Variants in TRIB1 observed in about 807,000 individuals in gnomAD.
The protein encoded by TRIB1 is tribbles pseudokinase 1, also known as tribbles homolog 1.
Under a neutral mutation model 27.8 loss-of-function variants are expected in TRIB1, and 12 were observed. The ratio of observed to expected loss-of-function variants is 0.43; its 90% CI spans 0.28 to 0.70. The LOEUF (loss-of-function observed/expected upper bound fraction) is 0.70, where lower values mean the gene tolerates loss of function less well. TRIB1 is among the 30% of genes least tolerant of loss of function. The probability of loss-of-function intolerance (pLI) is 0.18; values close to 1 mark genes in which losing one functional copy is unlikely to be tolerated. For missense variants in TRIB1, 475 were observed against 515.8 expected (o/e 0.92, Z 0.77); for synonymous variants, 230 against 224.9 (o/e 1.02, Z -0.20).
chr8:125,433,024 A>T lies in TRIB1; in HGVS notation c.361-293A>T, dbSNP rs115283295. On this transcript the variant is annotated intron_variant, in intron 1 of 2. Coordinates refer to ENST00000311922, the MANE Select transcript of TRIB1 (RefSeq NM_025195.4). This position sits in a 1 kb window ranked among gnomAD's most constrained non-coding sequence, Gnocchi z 4.4. Reference sequence around the variant, plus strand: ...GTGGGGGGTTTGCTTAGCTCTCAGGAGCTGACAGAAGATGGGAACATGTAC... The same window carrying T: ...GTGGGGGGTTTGCTTAGCTCTCAGGTGCTGACAGAAGATGGGAACATGTAC... 4.9e-3 allele frequency: 1,695 copies of T among 345,042 alleles called. 23 individuals carry two copies. Among genetic ancestry groups the T allele is most frequent in the African/African-American group, 0.031 (1,529 of 48,618 alleles). The allele number at this position is 345,042 out of a possible 1,614,324, so 21.4% of individuals were successfully genotyped here.
Position 125,436,422 on chromosome 8 carries a change from T to C in TRIB1, c.1070T>C (p.Ile357Thr). 6.2e-7 allele frequency: 1 copy of C among 1,614,030 alleles called. No individual in the cohort carries two copies. The highest frequency in any genetic ancestry group is 8.5e-7 in the Non-Finnish European group (1 of 1,180,028). ...IDSEIGTSDQIVPEYQEDSDI... is the reference protein window; with the variant it reads ...IDSEIGTSDQTVPEYQEDSDI... ...TCAGAAATAGGAACTTCAGACCAGA[T>C]TGTTCCAGAGTACCAGGAGGACAGT... Residue 357 changes from isoleucine (I) to threonine (T), a missense_variant, in exon 3 of 3, where the codon ATT becomes ACT. Ile to Thr is a moderately conservative substitution (Grantham distance 89). Transcript: ENST00000311922.
chr8:125,434,396 G>T (rs1814712815), intron 2 of TRIB1, among the ~76,000 whole-genome samples: 1 of 152,222 alleles, frequency 6.6e-6, no homozygotes, highest in African/African-American at 2.4e-5. Flanking sequence ...TTGTAGAGGT[G>T]AGAGTGAGTT....
chr8:125,431,500 C>G (rs1412917486), intron 1 of TRIB1, among the ~76,000 whole-genome samples: 2 of 152,226 alleles, frequency 1.3e-5, no homozygotes, highest in Non-Finnish European at 2.9e-5. Flanking sequence ...TCTATCTGTT[C>G]CTTTCCTCAG....
At position 125,430,608 on chromosome 8, in the gene TRIB1, C is replaced by A; in HGVS notation, c.-295C>A. 1 of 318,070 alleles carries A rather than the reference C, an allele frequency of 3.1e-6. No individual in the cohort carries two copies. The highest frequency in any genetic ancestry group is 8.8e-4 in the Middle Eastern group (1 of 1,140). The allele number at this position is 318,070 out of a possible 1,614,324, so 19.7% of individuals were successfully genotyped here. On this transcript the variant is annotated 5_prime_UTR_variant, in exon 1 of 3. Transcript: ENST00000311922. The stretch of plus-strand genomic sequence containing the variant: ...CTGCCTCCCGGACTATCGGCAGCCT[C>A]GGCAACAATAGTGGCGGCCGCCCCC...
intron 2 of TRIB1, among the ~76,000 whole-genome samples, chr8:125,434,840 G>T (rs1401184415): frequency 2.0e-5 from 3 of 151,870 alleles, no homozygotes; most frequent in Non-Finnish European, 4.4e-5. Flanking sequence ...AGAACCAATG[G>T]GTATTTTACA....
intron 1 of TRIB1, chr8:125,432,267 G>A (rs1039178268): frequency 2.1e-5 from 20 of 960,954 alleles, no homozygotes; most frequent in African/African-American, 3.6e-5. Context: ...TAATAGGGAG[G>A]AAAAAAAAAC....
At position 125,430,968 on chromosome 8, in the gene TRIB1, C is replaced by T. The variant is rs28441126; in HGVS notation, c.66C>T (p.Leu22=). 1,680 of 1,472,538 alleles carry T rather than the reference C, an allele frequency of 1.1e-3. 26 individuals are homozygous for T. The African/African-American group carries it at 0.021, about 19-fold the overall frequency. The allele number at this position is 1,472,538 out of a possible 1,614,324, so 91.2% of individuals were successfully genotyped here. The change falls in exon 1 of 3, where the codon CTC becomes CTT. Residue 22 remains leucine (L), a synonymous_variant. Transcript: ENST00000311922. ...CGCAGCCCCGCGGCCCGGCCCTGCT[C>T]TTCCCAGCCACCCGAGGCGTCCCGG... is the stretch of plus-strand genomic sequence containing the variant. ...GASQPRGPAL[L]FPATRGVPAK... is the part of the protein sequence containing the mutation.
chr8:125,430,840 G>T lies in TRIB1; in HGVS notation c.-63G>T, dbSNP rs1229678400. On this transcript the variant is annotated 5_prime_UTR_variant, in exon 1 of 3. Coordinates refer to ENST00000311922, the MANE Select transcript of TRIB1 (RefSeq NM_025195.4). ...AAGTCGCGGAGCCGGCACCAAACCC[G>T]CAGCGTCTTCCCGCGCGGATCCCGG... 5.2e-6 allele frequency: 7 copies of T among 1,356,880 alleles called. No homozygotes were observed. In the South Asian group the frequency reaches 6.9e-5, roughly 13 times the overall value. The allele number at this position is 1,356,880 out of a possible 1,614,324, so 84.1% of individuals were successfully genotyped here. A position where few individuals can be genotyped will look rare whatever the true frequency, so the allele number is the denominator to read the frequency against.
chr8:125,433,231 G>A lies in TRIB1; in HGVS notation c.361-86G>A. ...TACTCACATCCTAAGCCCACAGGTT[G>A]AGAACTTCTGTTCAGCTCCCTCAGG... On this transcript the variant is annotated intron_variant, in intron 1 of 2. Transcript: ENST00000311922. The surrounding 1 kb of genome is among the most constrained non-coding windows in gnomAD (Gnocchi z 4.4). The A allele has an allele frequency of 7.1e-7, 1 of 1,402,866 alleles. No individual in the cohort carries two copies. Among genetic ancestry groups the A allele is most frequent in the Non-Finnish European group, 9.8e-7 (1 of 1,022,026 alleles). 86.9% of individuals were successfully genotyped at this position (1,402,866 alleles called of 1,614,324 possible). A position where few individuals can be genotyped will look rare whatever the true frequency, so the allele number is the denominator to read the frequency against.
rs72647345 is a variant in TRIB1, at chr8:125,436,824, C to T, written c.*353C>T. On this transcript the variant is annotated 3_prime_UTR_variant, in exon 3 of 3. Transcript: ENST00000311922. ...CATTCGAATGGGAGAAAAAGCAAAT[C>T]GCACAATGACATATTTTGAGTAATA... The T allele has an allele frequency of 1.2e-3, 334 of 286,564 alleles. No individual in the cohort carries two copies. The highest frequency in any genetic ancestry group is 1.1e-3 in the Non-Finnish European group (165 of 150,424). 17.8% of individuals were successfully genotyped at this position (286,564 alleles called of 1,614,324 possible). A position where few individuals can be genotyped will look rare whatever the true frequency, so the allele number is the denominator to read the frequency against.
rs1814771931 is a variant in TRIB1, at chr8:125,437,265, A to G, written c.*794A>G. On this transcript the variant is annotated 3_prime_UTR_variant, in exon 3 of 3. Coordinates refer to ENST00000311922, the MANE Select transcript of TRIB1 (RefSeq NM_025195.4). Reference sequence around the variant, plus strand: ...TTAAAAAATAATTTGAGTGCTTGGAAACTATTAGCTTTTTAAGTTCCTTCC... The same window carrying G: ...TTAAAAAATAATTTGAGTGCTTGGAGACTATTAGCTTTTTAAGTTCCTTCC... 6.6e-6 allele frequency: 1 copy of G among 152,374 alleles called. No homozygotes were observed. The allele number at this position is 152,374 out of a possible 1,614,324, so 9.4% of individuals were successfully genotyped here.
rs1292099945 is a variant in TRIB1 at position 125,436,453 on chromosome 8, TA to T, written c.1102del (p.Ser368ValfsTer24). The T allele has an allele frequency of 6.2e-7, 1 of 1,613,338 alleles. No homozygotes were observed. The highest frequency in any genetic ancestry group is 8.5e-7 in the Non-Finnish European group (1 of 1,179,452). ...VPEYQEDSDISSFFC is the reference protein window; with the variant it reads ...VPEYQEDSDIXSFFC ...CAGAGTACCAGGAGGACAGTGACAT[TA>T]GTTCCTTCTTCTGCTAATCCCCAAA... On this transcript the variant is annotated frameshift_variant, in exon 3 of 3. Coordinates refer to ENST00000311922, the MANE Select transcript of TRIB1 (RefSeq NM_025195.4). LOFTEE classifies it high-confidence loss of function.
intron 1 of TRIB1, chr8:125,432,454 C>T (rs72647335): frequency 7.2e-4 from 152 of 211,324 alleles, no homozygotes; most frequent in Non-Finnish European, 8.9e-4. Context: ...CAACCCCTTC[C>T]AGTTCCTCTG....
At chr8:125,435,932 C>T (rs1007099650) in intron 2 of TRIB1, 74 bp from the exon 3 acceptor site, 56 of 1,298,070 alleles carry the variant, frequency 4.3e-5, no homozygotes, top group South Asian at 2.3e-4. Context: ...TGCCTGTGGG[C>T]GCTGTTATTG....
rs544694807 is a variant in TRIB1 at position 125,433,559 on chromosome 8, C to A, written c.603C>A (p.Ile201=). 6.2e-7 allele frequency: 1 copy of A among 1,613,038 alleles called. No individual in the cohort carries two copies. The highest frequency in any genetic ancestry group is 8.5e-7 in the Non-Finnish European group (1 of 1,179,242). The part of the protein sequence containing the change: ...SAVAHCHQSA[I]VLGDLKLRKF... Reference sequence around the variant, plus strand: ...TCGCCCACTGCCACCAGTCAGCCATCGTGCTGGGGGACCTGAAGCTTAGGA... The same window carrying A: ...TCGCCCACTGCCACCAGTCAGCCATAGTGCTGGGGGACCTGAAGCTTAGGA... Residue 201 remains isoleucine (I), a synonymous_variant, in exon 2 of 3, where the codon ATC becomes ATA. Transcript: ENST00000311922. The surrounding 1 kb of genome is among the most constrained non-coding windows in gnomAD (Gnocchi z 4.4).
chr8:125,436,336 T>A lies in TRIB1; in HGVS notation c.984T>A (p.Thr328=), dbSNP rs1814748587. Reference sequence around the variant, plus strand: ...GACGGGAGCCCTCCGAGAGACTCACTGCCCCCGAGATCCTACTGCACCCCT... The same window carrying A: ...GACGGGAGCCCTCCGAGAGACTCACAGCCCCCGAGATCCTACTGCACCCCT... ...LLRREPSERL[T]APEILLHPWF... is the part of the protein sequence containing the mutation. Residue 328 remains threonine, a synonymous_variant, in exon 3 of 3, where the codon ACT becomes ACA. Transcript: ENST00000311922. 5.6e-6 allele frequency: 9 copies of A among 1,613,526 alleles called. No homozygotes were observed. Among genetic ancestry groups the A allele is most frequent in the Non-Finnish European group, 7.6e-6 (9 of 1,179,880 alleles).
chr8:125,433,332 C>T lies in TRIB1; in HGVS notation c.376C>T (p.His126Tyr). Residue 126 changes from histidine to tyrosine, a missense_variant, in exon 2 of 3, where the codon CAC (histidine) becomes TAC (tyrosine). Coordinates refer to ENST00000311922, the MANE Select transcript of TRIB1 (RefSeq NM_025195.4). The surrounding 1 kb of genome is among the most constrained non-coding windows in gnomAD (Gnocchi z 4.4). ...CTCTCTACAGGTGTTTCCCATTAAA[C>T]ACTACCAGGACAAAATCAGGCCTTA... ...ELRCKVFPIK[H>Y]YQDKIRPYIQ... 1 of 1,613,668 alleles carries T rather than the reference C, an allele frequency of 6.2e-7. No homozygotes were observed. Among genetic ancestry groups the T allele is most frequent in the Non-Finnish European group, 8.5e-7 (1 of 1,179,566 alleles).
chr8:125,436,064 G>A lies in TRIB1; in HGVS notation c.712G>A (p.Ala238Thr), dbSNP rs1814742437. ...ACACATAATGAAGGGGGAAGATGAT[G>A]CTTTGTCAGACAAACATGGCTGCCC... Reference protein sequence around the residue: ...DTHIMKGEDDALSDKHGCPAY... With the variant: ...DTHIMKGEDDTLSDKHGCPAY... Residue 238 changes from alanine (A) to threonine (T), a missense_variant, in exon 3 of 3, where the codon GCT becomes ACT. Transcript: ENST00000311922. The A allele has an allele frequency of 1.1e-5, 17 of 1,614,138 alleles. No individual in the cohort carries two copies. In the East Asian group the frequency reaches 3.6e-4, roughly 34 times the overall value.
At position 125,433,269 on chromosome 8, in the gene TRIB1, T is replaced by C; in HGVS notation, c.361-48T>C. ...CAGCTCCCTCAGGGGTTTGGGAGGC[T>C]GCCTTTGCTTTTCTAGCCCCCTAAA... is the stretch of plus-strand genomic sequence containing the variant. On this transcript the variant is annotated intron_variant, in intron 1 of 2. Coordinates refer to ENST00000311922, the MANE Select transcript of TRIB1 (RefSeq NM_025195.4). The surrounding 1 kb of genome is among the most constrained non-coding windows in gnomAD (Gnocchi z 4.4). The C allele has an allele frequency of 1.3e-6, 2 of 1,579,158 alleles. No homozygotes were observed. Among genetic ancestry groups the C allele is most frequent in the Non-Finnish European group, 8.6e-7 (1 of 1,156,188 alleles).
Sources: allele counts gnomAD v4.1 joint callset (sites outside exome capture counted in the v4.1 genomes callset), GRCh38; gene constraint gnomAD v4.1.1; non-coding constraint Gnocchi (gnomAD v3.1); transcripts MANE v1.5; gene names NCBI Gene and HGNC (gene_info 2026-07-23, HGNC 2026-07-21).